UBXN8: variants seen among roughly 807,000 people sequenced by gnomAD.
UBXN8 encodes the protein UBX domain protein 8, also known as UBX domain-containing protein 8.
UBXN8 carries 27 observed loss-of-function variants against 32.1 expected under a neutral mutation model. That is an observed-to-expected ratio of 0.84 (90% CI 0.62 to 1.16). The LOEUF (loss-of-function observed/expected upper bound fraction) is 1.16, where lower values mean the gene tolerates loss of function less well. UBXN8 is among the 50% of genes most tolerant of loss of function. UBXN8 has a pLI of 0.00. For synonymous variants in UBXN8, 109 were observed against 111.8 expected, an observed-to-expected ratio of 0.98 and a Z score of 0.16; for missense variants, 306 against 311.4, an observed-to-expected ratio of 0.98 and a Z score of 0.13.
Position 30,766,482 on chromosome 8 carries a change from T to A in UBXN8, c.*88T>A, listed in dbSNP as rs1008695989. ...AAGGCTTCACTTTCAAATCACACTA[T>A]ACCTTGATTGAGCTCATGGCAGTAA... On this transcript the variant is annotated 3_prime_UTR_variant, in exon 8 of 8. Transcript: ENST00000265616. 4.0e-5 allele frequency: 52 copies of A among 1,310,440 alleles called. No individual in the cohort carries two copies. Among genetic ancestry groups the A allele is most frequent in the Non-Finnish European group, 5.3e-5 (52 of 989,560 alleles). 81.2% of individuals were successfully genotyped at this position (1,310,440 alleles called of 1,614,324 possible). A position where few individuals can be genotyped will look rare whatever the true frequency, so the allele number is the denominator to read the frequency against.
Position 30,766,565 on chromosome 8 carries a change from A to G in UBXN8, c.*171A>G. On this transcript the variant is annotated 3_prime_UTR_variant, in exon 8 of 8. Transcript: ENST00000265616. Reference sequence around the variant, plus strand: ...TAGAAAAGGATTGCTTTCTATATATAATAATCTGTGGACTGTGCCATTTTA... The same window carrying G: ...TAGAAAAGGATTGCTTTCTATATATGATAATCTGTGGACTGTGCCATTTTA... 1 of 624,916 alleles carries G rather than the reference A, an allele frequency of 1.6e-6. No individual in the cohort carries two copies. Among genetic ancestry groups the G allele is most frequent in the Non-Finnish European group, 2.4e-6 (1 of 408,288 alleles). The allele number at this position is 624,916 out of a possible 1,614,324, so 38.7% of individuals were successfully genotyped here. A position where few individuals can be genotyped will look rare whatever the true frequency, so the allele number is the denominator to read the frequency against.
intron 5 of UBXN8, among the ~76,000 whole-genome samples, chr8:30,759,109 G>A (rs541933346): frequency 9.9e-4 from 151 of 151,924 alleles, no homozygotes; most frequent in African/African-American, 3.5e-3. Context: ...TGGCCAGGAT[G>A]GTCTCGATCT....
intron 7 of UBXN8, among the ~76,000 whole-genome samples, 176 bp from the exon 8 acceptor site, chr8:30,766,051 G>C (rs1166712028): frequency 6.6e-6 from 1 of 151,658 alleles, no homozygotes; most frequent in South Asian, 2.1e-4. Flanking sequence ...TGAACTCATG[G>C]CAAGCTATTT....
At chr8:30,758,599 T>C (rs2128755658) in intron 5 of UBXN8, among the ~76,000 whole-genome samples, 1 of 152,310 alleles carries the variant, frequency 6.6e-6, no homozygotes, top group South Asian at 2.1e-4. Flanking sequence ...TAGTGGAGAT[T>C]GAGCAGGGGA....
chr8:30,751,356 A>G (rs574523009), intron 1 of UBXN8, 40 bp from the exon 2 acceptor site: 23 of 1,528,392 alleles, frequency 1.5e-5, no homozygotes, highest in East Asian at 2.5e-5. Context: ...TCTTAAAAAA[A>G]AAGTTTTGAA....
At chr8:30,739,371 C>G (rs190727575), upstream of UBXN8, among the ~76,000 whole-genome samples, 2 of 150,794 alleles carry the variant, frequency 1.3e-5, no homozygotes, top group South Asian at 4.4e-4. Context: ...GGTGAAACCC[C>G]GTCTCTACTA....
chr8:30,756,203 C>T (rs1031881370), intron 4 of UBXN8: 36 of 152,976 alleles, frequency 2.4e-4, no homozygotes, highest in Non-Finnish European at 4.7e-4. Context: ...TGCAGTGGTG[C>T]GATCTCAGCT....
chr8:30,730,965 A>G (rs12542343), upstream of UBXN8, among the ~76,000 whole-genome samples: 41,963 of 152,008 alleles, frequency 0.28, 7,006 homozygotes, highest in African/African-American at 0.48. Context: ...AGGCCCGGCG[A>G]AATGCCGAGC....
chr8:30,732,033 C>T (rs3963927), upstream of UBXN8, among the ~76,000 whole-genome samples: 72 of 149,422 alleles, frequency 4.8e-4, no homozygotes, highest in African/African-American at 1.7e-3. Context: ...ACCTGAAAGA[C>T]GCTTTCTTTA....
intron 1 of UBXN8, among the ~76,000 whole-genome samples, chr8:30,734,936 G>A (rs745898860): frequency 1.3e-5 from 2 of 151,976 alleles, no homozygotes; most frequent in African/African-American, 4.8e-5. Context: ...GAGTGAGACC[G>A]TGTCTCAAAA....
chr8:30,739,954 T>C (rs1174402204), upstream of UBXN8, among the ~76,000 whole-genome samples: 2 of 152,188 alleles, frequency 1.3e-5, no homozygotes, highest in Non-Finnish European at 2.9e-5. Context: ...CAGGCTGGAG[T>C]GCAGTGTCAC....
upstream of UBXN8, among the ~76,000 whole-genome samples, chr8:30,743,108 T>C (rs1279012794): frequency 6.6e-6 from 1 of 151,798 alleles, no homozygotes; most frequent in African/African-American, 2.4e-5. Flanking sequence ...AGTGTTGGGA[T>C]TACAGGCGTG....
At chr8:30,755,102 C>T (rs1169881057) in intron 4 of UBXN8, among the ~76,000 whole-genome samples, 1 of 151,768 alleles carries the variant, frequency 6.6e-6, no homozygotes, top group Non-Finnish European at 1.5e-5. Context: ...ACTACAGGCG[C>T]CTGCCACCAT....
chr8:30,746,675 A>G (rs188713571), intron 1 of UBXN8, among the ~76,000 whole-genome samples: 1 of 137,624 alleles, frequency 7.3e-6, no homozygotes, highest in East Asian at 2.1e-4. Context: ...GGCATGCACC[A>G]CCATGCCCGA....
At chr8:30,759,741 G>A (rs1805773801) in intron 5 of UBXN8, among the ~76,000 whole-genome samples, 1 of 151,170 alleles carries the variant, frequency 6.6e-6, no homozygotes, top group Non-Finnish European at 1.5e-5. Context: ...CGGATCACAA[G>A]GTCAGGAAGT....
chr8:30,745,729 T>C (rs1805343874), intron 1 of UBXN8, among the ~76,000 whole-genome samples: 1 of 152,228 alleles, frequency 6.6e-6, no homozygotes, highest in Non-Finnish European at 1.5e-5. Flanking sequence ...CCTTGTCTTT[T>C]CAACATCCAC....
upstream of UBXN8, among the ~76,000 whole-genome samples, chr8:30,740,553 AGAAAG>A (rs1267913887): frequency 2.1e-5 from 3 of 144,322 alleles, no homozygotes; most frequent in South Asian, 4.5e-4. Context: ...AAAAAAAAAA[AGAAAG>A]GAAAGAAAAA....
chr8:30,751,499 T>A lies in UBXN8; in HGVS notation c.192T>A (p.Ser64=). 6.2e-7 allele frequency: 1 copy of A among 1,603,882 alleles called. No individual in the cohort carries two copies. The highest frequency in any genetic ancestry group is 8.5e-7 in the Non-Finnish European group (1 of 1,175,848). The change falls in exon 2 of 8, where the codon TCT becomes TCA. Residue 64 remains serine, a synonymous_variant. Transcript: ENST00000265616. ...CCTCATGGCTTAACTCATTTAAATC[T>A]CCCCAAGTTTATCTGAAGGGTAAGT... is the stretch of plus-strand genomic sequence containing the variant. The part of the protein sequence containing the change: ...VTTSWLNSFK[S]PQVYLKEEEE...
chr8:30,753,800 CCT>C (rs1356710664), intron 3 of UBXN8, among the ~76,000 whole-genome samples: 1 of 116,212 alleles, frequency 8.6e-6, no homozygotes, highest in Non-Finnish European at 1.7e-5. Context: ...TGAGACTGGG[CCT>C]CTCTCTGTTG....
Sources: gnomAD v4.1 joint callset for allele counts (sites outside exome capture counted in the v4.1 genomes callset) on GRCh38, gnomAD v4.1.1 for gene constraint, MANE v1.5 for transcripts, NCBI Gene and HGNC (gene_info 2026-07-23, HGNC 2026-07-21) for gene names.